The following UGT1A7 variants were observed in gnomAD, a reference collection of about 807,000 sequenced individuals.
The protein encoded by UGT1A7 is UDP-glucuronosyltransferase 1A7.
UGT1A7 carries 33 observed loss-of-function variants against 45.6 expected under a neutral mutation model. The observed-to-expected ratio is 0.72, with a 90% CI of 0.55 to 0.97. UGT1A7 has a LOEUF of 0.97. UGT1A7 is among the 50% of genes least tolerant of loss of function. UGT1A7 has a pLI of 0.00. For missense variants in UGT1A7, 684 were observed against 666.2 expected (o/e 1.03, Z -0.29); for synonymous variants, 274 against 250.6 (o/e 1.09, Z -0.88).
intron 4 of UGT1A7, 143 bp downstream of exon 4, chr2:233,768,582 CTTTTTTTTTTTT>C (rs139595073): frequency 1.3e-5 from 13 of 1,033,070 alleles, no homozygotes; most frequent in Admixed American, 4.7e-5. Context: ...TTTATTTCTT[CTTTTTTTTTTTT>C]TTTTTTTTTT....
chr2:233,758,658 T>A lies in UGT1A7; in HGVS notation c.856-8376T>A, dbSNP rs188603135. 5.3e-5 allele frequency among the ~76,000 whole-genome samples: 8 copies of A among 152,318 alleles called. No individual in the cohort carries two copies. In the East Asian group the frequency reaches 1.5e-3, roughly 29 times the overall value. ...TAAGGAGAAGAATGAGAGGGTACCCTAATTACCTGTTAATATGTCCCATAG... is the reference window on the plus strand; with the variant it reads ...TAAGGAGAAGAATGAGAGGGTACCCAAATTACCTGTTAATATGTCCCATAG... On this transcript the variant is annotated intron_variant, in intron 1 of 4. Coordinates refer to ENST00000373426, the MANE Select transcript of UGT1A7 (RefSeq NM_019077.3).
intron 1 of UGT1A7, among the ~76,000 whole-genome samples, chr2:233,744,558 A>G (rs1559389162): frequency 6.6e-6 from 1 of 151,960 alleles, no homozygotes; most frequent in Non-Finnish European, 1.5e-5. Flanking sequence ...GACAAAATGT[A>G]GTGAGAAGAG....
At chr2:233,751,711 C>G (rs1187587643) in intron 1 of UGT1A7, among the ~76,000 whole-genome samples, 1 of 152,190 alleles carries the variant, frequency 6.6e-6, no homozygotes, top group Non-Finnish European at 1.5e-5. Context: ...TCCTCCTTCA[C>G]TCACAAGTGA....
rs991144087 is a variant in UGT1A7 at position 233,687,245 on chromosome 2, A to T, written c.855+4453A>T. On this transcript the variant is annotated intron_variant, in intron 1 of 4. Transcript: ENST00000373426. ...CACAATTATCTCCAACCTCCACAAG[A>T]TTAATGATCTTAACCATGCATTCAG... Among the ~76,000 whole-genome samples the T allele has an allele frequency of 5.1e-4, 77 of 152,304 alleles. 1 individual carries two copies. Among genetic ancestry groups the T allele is most frequent in the Admixed American group, 5.0e-3 (77 of 15,302 alleles).
chr2:233,767,784 A>C, intron 2 of UGT1A7, 65 bp from the exon 3 acceptor site: 1 of 1,613,694 alleles, frequency 6.2e-7, no homozygotes, highest in East Asian at 2.2e-5. Flanking sequence ...TAGTTAGTAT[A>C]GCAGATTTGT....
chr2:233,745,948 A>T (rs915147322), intron 1 of UGT1A7, among the ~76,000 whole-genome samples: 2 of 151,678 alleles, frequency 1.3e-5, no homozygotes, highest in Admixed American at 1.3e-4. Flanking sequence ...GGGGTTGGGC[A>T]ACTGGGGGAC....
At chr2:233,695,469 T>G (rs2075291280) in intron 1 of UGT1A7, among the ~76,000 whole-genome samples, 2 of 151,992 alleles carry the variant, frequency 1.3e-5, no homozygotes, top group African/African-American at 4.8e-5. Flanking sequence ...TATTGGCCCT[T>G]TAGATGTTTT....
chr2:233,719,001 C>T (rs199607987), intron 1 of UGT1A7: 45 of 1,614,084 alleles, frequency 2.8e-5, no homozygotes, highest in African/African-American at 4.0e-5. Context: ...GGCGGTGGTC[C>T]TCACCCCAGA....
chr2:233,716,576 A>G, intron 1 of UGT1A7, among the ~76,000 whole-genome samples: 1 of 152,194 alleles, frequency 6.6e-6, no homozygotes. Flanking sequence ...TAAAAACAAT[A>G]CTTTCAAAGA....
rs34526305 is a variant in UGT1A7 at position 233,760,428 on chromosome 2, C to T, written c.856-6606C>T. The T allele has an allele frequency of 1.7e-3, 2,732 of 1,614,194 alleles. 18 individuals carry two copies. Among genetic ancestry groups the T allele is most frequent in the Middle Eastern group, 9.2e-3 (56 of 6,062 alleles). ...ACTGGCTGAGCATGCTTGGGGCCAT[C>T]CAGCAGCTGCAGCAGAGGGGACATG... On this transcript the variant is annotated intron_variant, in intron 1 of 4. Coordinates refer to ENST00000373426, the MANE Select transcript of UGT1A7 (RefSeq NM_019077.3).
intron 1 of UGT1A7, among the ~76,000 whole-genome samples, chr2:233,748,714 G>C (rs1019061059): frequency 6.6e-6 from 1 of 151,630 alleles, no homozygotes; most frequent in Non-Finnish European, 1.5e-5. Flanking sequence ...TTGGGGTCTG[G>C]TGCATGATGT....
chr2:233,759,375 T>C (rs1697120269), intron 1 of UGT1A7, among the ~76,000 whole-genome samples: 2 of 152,058 alleles, frequency 1.3e-5, no homozygotes, highest in Admixed American at 1.3e-4. Flanking sequence ...AGGTACAGGT[T>C]TTCAGGATAC....
chr2:233,689,331 T>G (rs2074938203), intron 1 of UGT1A7, among the ~76,000 whole-genome samples: 1 of 152,238 alleles, frequency 6.6e-6, no homozygotes, highest in African/African-American at 2.4e-5. Context: ...CACTGAGATT[T>G]GCAATGGGAG....
chr2:233,760,827 A>G lies in UGT1A7; in HGVS notation c.856-6207A>G, dbSNP rs148755655. ...TGCATGCACTGCCATGCAGCCTGGA[A>G]TTTGAGGCTACCCAGTGCCCCAACC... On this transcript the variant is annotated intron_variant, in intron 1 of 4. Transcript: ENST00000373426. 4,073 of 1,613,502 alleles carry G rather than the reference A, an allele frequency of 2.5e-3. 8 individuals carry two copies. The highest frequency in any genetic ancestry group is 3.2e-3 in the Non-Finnish European group (3,736 of 1,179,512).
intron 1 of UGT1A7, chr2:233,689,969 C>A (rs2074968576): frequency 2.2e-6 from 1 of 455,440 alleles, no homozygotes; most frequent in South Asian, 1.6e-5. Context: ...CTTGGAGGAA[C>A]CCACAGGCCC....
intron 1 of UGT1A7, among the ~76,000 whole-genome samples, chr2:233,749,576 ACT>A (rs1258073288): frequency 2.6e-5 from 4 of 151,762 alleles, no homozygotes; most frequent in African/African-American, 9.7e-5. Context: ...GAGGCCACTG[ACT>A]CTGTCTCAAC....
chr2:233,690,770 C>G, intron 1 of UGT1A7: 7 of 1,084,308 alleles, frequency 6.5e-6, no homozygotes, highest in Non-Finnish European at 8.0e-6. Context: ...TACACACACA[C>G]ACACATACAC....
At chr2:233,736,248 A>G (rs2078745941) in intron 1 of UGT1A7, among the ~76,000 whole-genome samples, 1 of 151,866 alleles carries the variant, frequency 6.6e-6, no homozygotes, top group Non-Finnish European at 1.5e-5. Context: ...TTCTCACTTT[A>G]TTTCATTAAT....
intron 1 of UGT1A7, chr2:233,717,648 A>G (rs1403190472): frequency 5.0e-6 from 2 of 403,070 alleles, no homozygotes; most frequent in Non-Finnish European, 1.0e-5. Flanking sequence ...GGCGACCAGG[A>G]CAAGGAAGCA....
Sources: allele counts gnomAD v4.1 joint callset (sites outside exome capture counted in the v4.1 genomes callset), GRCh38; gene constraint gnomAD v4.1.1; transcripts MANE v1.5; gene names NCBI Gene and HGNC (gene_info 2026-07-23, HGNC 2026-07-21).